Variants in CATSPERE observed in about 807,000 individuals in gnomAD.
The protein encoded by CATSPERE is cation channel sperm-associated auxiliary subunit epsilon.
A neutral mutation model predicts 114.1 loss-of-function variants in CATSPERE; 93 were observed. That is an observed-to-expected ratio of 0.81 (90% CI 0.69 to 0.97). The LOEUF is 0.97. Ranked by LOEUF, CATSPERE falls within the 50% of genes least tolerant of loss-of-function variation. The pLI is 0.00. For missense variants in CATSPERE, 1,058 were observed against 1,131.6 expected, an observed-to-expected ratio of 0.93 and a Z score of 0.93; for synonymous variants, 341 against 384.1, an observed-to-expected ratio of 0.89 and a Z score of 1.31.
chr1:244,588,481 G>A lies in CATSPERE; in HGVS notation c.2086-1G>A, dbSNP rs1667315913. The A allele has an allele frequency of 6.2e-7, 1 of 1,609,806 alleles. No homozygotes were observed. Among genetic ancestry groups the A allele is most frequent in the Non-Finnish European group, 8.5e-7 (1 of 1,176,394 alleles). On this transcript the variant is annotated splice_acceptor_variant, in intron 13 of 21. Coordinates refer to ENST00000366534, the MANE Select transcript of CATSPERE (RefSeq NM_001130957.2). LOFTEE classifies it high-confidence loss of function. ...TCACTACCTAAGTTACTTCATTTTA[G>A]GTGTTCCAAATAGCTGTTGGCTGTG...
At position 244,581,597 on chromosome 1, in the gene CATSPERE, C is replaced by T. The variant is rs138031546; in HGVS notation, c.1951-199C>T. On this transcript the variant is annotated intron_variant, in intron 11 of 21. Coordinates refer to ENST00000366534, the MANE Select transcript of CATSPERE (RefSeq NM_001130957.2). The stretch of plus-strand genomic sequence containing the variant: ...GTACATTAATATTTTATTATATTTG[C>T]GTACTTGCTTTATTACGTATCTATG... 2.3e-3 allele frequency among the ~76,000 whole-genome samples: 345 copies of T among 152,190 alleles called. 2 individuals are homozygous for T. Among genetic ancestry groups the T allele is most frequent in the African/African-American group, 7.9e-3 (328 of 41,536 alleles).
intron 20 of CATSPERE, among the ~76,000 whole-genome samples, chr1:244,627,995 A>G (rs769595745): frequency 3.9e-5 from 6 of 152,222 alleles, no homozygotes; most frequent in South Asian, 2.1e-4. Context: ...TAGTCACTTA[A>G]TAGCCATCCT....
At chr1:244,511,562 T>C (rs1189457437) in intron 7 of CATSPERE, among the ~76,000 whole-genome samples, 1 of 152,232 alleles carries the variant, frequency 6.6e-6, no homozygotes, top group Non-Finnish European at 1.5e-5. Context: ...TCTCTTATTG[T>C]TTATCATTGC....
chr1:244,548,471 A>C (rs1335646689), intron 8 of CATSPERE, among the ~76,000 whole-genome samples: 3 of 152,062 alleles, frequency 2.0e-5, no homozygotes, highest in Non-Finnish European at 4.4e-5. Context: ...CATTTCCATC[A>C]TGGAAGTGCA....
At chr1:244,610,612 T>C (rs1670587644) in intron 19 of CATSPERE, 1 of 477,522 alleles carries the variant, frequency 2.1e-6, no homozygotes, top group Non-Finnish European at 3.9e-6. Context: ...AGTGAGTCTT[T>C]GTAAAGACGA....
chr1:244,466,365 T>C (rs1242963943), intron 2 of CATSPERE, among the ~76,000 whole-genome samples: 2 of 152,302 alleles, frequency 1.3e-5, no homozygotes, highest in South Asian at 4.1e-4. Context: ...GCAGAACAGC[T>C]TGCTTCCCTG....
At chr1:244,500,665 C>T (rs531610438) in intron 7 of CATSPERE, among the ~76,000 whole-genome samples, 2 of 152,066 alleles carry the variant, frequency 1.3e-5, no homozygotes, top group East Asian at 1.9e-4. Flanking sequence ...AAATGTGTGG[C>T]GTTATTTCTG....
intron 5 of CATSPERE, among the ~76,000 whole-genome samples, chr1:244,481,653 C>G (rs966759692): frequency 6.6e-6 from 1 of 152,076 alleles, no homozygotes. Flanking sequence ...ATGCTGAAAC[C>G]TAATCCCCGA....
chr1:244,458,774 T>C (rs779666796), upstream of CATSPERE, among the ~76,000 whole-genome samples: 25 of 152,228 alleles, frequency 1.6e-4, no homozygotes, highest in Non-Finnish European at 8.8e-5. Context: ...ATTGCATAAG[T>C]GCAGTAAGAA....
chr1:244,468,218 G>A (rs1217059787), intron 2 of CATSPERE, among the ~76,000 whole-genome samples: 3 of 151,540 alleles, frequency 2.0e-5, no homozygotes, highest in Non-Finnish European at 4.4e-5. Context: ...TCAGCCTCCC[G>A]AGAAGCTGGG....
chr1:244,625,428 A>ATTTTTTTTTT (rs1234328450), intron 20 of CATSPERE, among the ~76,000 whole-genome samples: 15 of 3,742 alleles, frequency 4.0e-3, no homozygotes, highest in African/African-American at 4.8e-3. Flanking sequence ...ATATATATAT[A>ATTTTTTTTTT]TATATTTTTT....
In CATSPERE at chr1:244,568,670, A is replaced by G. The variant is rs1440740905; in HGVS notation, c.1508-3660A>G. The stretch of plus-strand genomic sequence containing the variant: ...GGGGAAAACCGCCTACTCAAGCCTC[A>G]GTAATGGCAGACGCTCCTACCCCCA... On this transcript the variant is annotated intron_variant, in intron 10 of 21. Coordinates refer to ENST00000366534, the MANE Select transcript of CATSPERE (RefSeq NM_001130957.2). The surrounding 1 kb of genome is among the most constrained non-coding windows in gnomAD (Gnocchi z 4.4). Among the ~76,000 whole-genome samples the G allele has an allele frequency of 6.6e-6, 1 of 152,170 alleles. No homozygotes were observed. The highest frequency in any genetic ancestry group is 1.5e-5 in the Non-Finnish European group (1 of 68,032).
rs1417310780 is a variant in CATSPERE at position 244,504,259 on chromosome 1, G to C, written c.429+5180G>C. ...TTTTGAAAGAGTTTTTTAAATATAA[G>C]GTTTCTATGTCCTCACCTTGCATTC... is the stretch of plus-strand genomic sequence containing the variant. On this transcript the variant is annotated intron_variant, in intron 7 of 21. Transcript: ENST00000366534. This position sits in a 1 kb window ranked among gnomAD's most constrained non-coding sequence, Gnocchi z 4.1. Among the ~76,000 whole-genome samples the C allele has an allele frequency of 1.3e-5, 2 of 152,038 alleles. No individual in the cohort carries two copies. Among genetic ancestry groups the C allele is most frequent in the African/African-American group, 2.4e-5 (1 of 41,404 alleles).
intron 13 of CATSPERE, among the ~76,000 whole-genome samples, chr1:244,585,485 G>C (rs991083946): frequency 6.6e-6 from 1 of 152,214 alleles, no homozygotes; most frequent in Non-Finnish European, 1.5e-5. Flanking sequence ...ATGTGGCCGT[G>C]TAGAGGCAGG....
intron 3 of CATSPERE, 106 bp downstream of exon 3, chr1:244,477,720 A>C: frequency 1.0e-6 from 1 of 996,978 alleles, no homozygotes; most frequent in Admixed American, 2.3e-5. Context: ...ATTTTCTTTC[A>C]TTAAGTAGAT....
At position 244,461,309 on chromosome 1, in the gene CATSPERE, C is replaced by A; in HGVS notation, c.-121C>A. On this transcript the variant is annotated 5_prime_UTR_variant, in exon 1 of 22. Transcript: ENST00000366534. Reference sequence around the variant, plus strand: ...TCGCTGGTCTTCAGGCCCGGCCCGCCCTGTCCAGAGGCGCCGGGACCCAGG... The same window carrying A: ...TCGCTGGTCTTCAGGCCCGGCCCGCACTGTCCAGAGGCGCCGGGACCCAGG... 1.2e-6 allele frequency: 1 copy of A among 843,202 alleles called. No individual in the cohort carries two copies. The highest frequency in any genetic ancestry group is 1.6e-6 in the Non-Finnish European group (1 of 625,974). The allele number at this position is 843,202 out of a possible 1,614,324, so 52.2% of individuals were successfully genotyped here.
chr1:244,477,850 T>C (rs1419038861), intron 3 of CATSPERE, 56 bp from the exon 4 acceptor site: 28 of 1,352,956 alleles, frequency 2.1e-5, no homozygotes, highest in Non-Finnish European at 2.9e-5. Context: ...AGTAAGGGAA[T>C]TTTATTAATA....
rs1558481328 is a variant in CATSPERE at position 244,552,432 on chromosome 1, CT to C, written c.651del (p.Pro218LeufsTer3). ...ATTGCAGATTTTCTTATTCTGTTGA[CT>C]TTTCCTTTGTTGACCATACCTGAAA... ...CFIADFLILLTFPLLTIPEIP... is the reference protein window; with the variant it reads ...CFIADFLILLXFPLLTIPEIP... On this transcript the variant is annotated frameshift_variant, in exon 9 of 22. Coordinates refer to ENST00000366534, the MANE Select transcript of CATSPERE (RefSeq NM_001130957.2). LOFTEE classifies it high-confidence loss of function. 6.2e-7 allele frequency: 1 copy of C among 1,614,156 alleles called. No individual in the cohort carries two copies. Among genetic ancestry groups the C allele is most frequent in the Non-Finnish European group, 8.5e-7 (1 of 1,180,022 alleles).
chr1:244,593,624 A>G (rs760039008), intron 17 of CATSPERE, 46 bp downstream of exon 17: 56 of 1,496,566 alleles, frequency 3.7e-5, no homozygotes, highest in South Asian at 3.5e-5. Context: ...GAAAGTTTCA[A>G]ACTCAAAGCA....
Sources: allele counts gnomAD v4.1 joint callset (sites outside exome capture counted in the v4.1 genomes callset), GRCh38; gene constraint gnomAD v4.1.1; non-coding constraint Gnocchi (gnomAD v3.1); transcripts MANE v1.5; gene names NCBI Gene and HGNC (gene_info 2026-07-23, HGNC 2026-07-21).